The following KLHL21 variants were observed in gnomAD, a reference collection of about 807,000 sequenced individuals.
KLHL21 encodes kelch like family member 21, also known as kelch-like protein 21.
In KLHL21, 42 loss-of-function variants were observed where a neutral mutation model predicts 44.1. The observed-to-expected ratio is 0.95, with a 90% CI of 0.74 to 1.23. The LOEUF is 1.23. KLHL21 is among the 50% of genes most tolerant of loss of function. The pLI, the probability that KLHL21 is intolerant of heterozygous loss-of-function variation, is 0.00. For synonymous variants in KLHL21, 524 were observed against 411.6 expected (o/e 1.27, Z -3.31); for missense variants, 918 against 889.1 (o/e 1.03, Z -0.41).
chr1:6,592,615 G>C lies in KLHL21; in HGVS notation c.*750C>G, dbSNP rs1255990680. The C allele has an allele frequency of 6.6e-6, 1 of 152,288 alleles. No homozygotes were observed. The highest frequency in any genetic ancestry group is 1.5e-5 in the Non-Finnish European group (1 of 68,066). 9.4% of individuals were successfully genotyped at this position (152,288 alleles called of 1,614,324 possible). ...AGCAAGGGCTTGGGCACCCGCAGCT[G>C]TCTGCTTGGCTGGGTGTCAATGATC... is the stretch of plus-strand genomic sequence containing the variant. On this transcript the variant is annotated 3_prime_UTR_variant, in exon 4 of 4. Transcript: ENST00000377658.
At chr1:6,595,411 T>C in intron 3 of KLHL21, 74 bp downstream of exon 3, 3 of 1,345,814 alleles carry the variant, frequency 2.2e-6, no homozygotes, top group African/African-American at 1.4e-5. Flanking sequence ...TCCCAAACAC[T>C]CATCACGATG....
chr1:6,590,914 A>G lies in KLHL21; in HGVS notation c.*2451T>C, dbSNP rs1180222309. On this transcript the variant is annotated 3_prime_UTR_variant, in exon 4 of 4. Transcript: ENST00000377658. ...ACATACGCGTCTCTGAAGTCATATA[A>G]ATATAGAATACCTTATAGTAGATCA... The G allele has an allele frequency of 2.5e-6, 1 of 398,542 alleles. No individual in the cohort carries two copies. The highest frequency in any genetic ancestry group is 2.1e-5 in the African/African-American group (1 of 48,644). 24.7% of individuals were successfully genotyped at this position (398,542 alleles called of 1,614,324 possible).
intron 2 of KLHL21, among the ~76,000 whole-genome samples, chr1:6,597,123 G>C (rs1045369832): frequency 1.3e-5 from 2 of 152,256 alleles, no homozygotes; most frequent in Non-Finnish European, 2.9e-5. Context: ...CTCCGGCACA[G>C]GTCACACTGG....
intron 3 of KLHL21, chr1:6,594,670 C>A (rs1255648795): frequency 1.3e-5 from 2 of 151,860 alleles, no homozygotes; most frequent in African/African-American, 4.8e-5. Context: ...CGTGCCACTG[C>A]ACTCCAGCCT....
rs143513148 is a variant in KLHL21 at position 6,593,396 on chromosome 1, C to G, written c.1763G>C (p.Arg588Pro). 6 of 1,604,710 alleles carry G rather than the reference C, an allele frequency of 3.7e-6. 1 individual carries two copies. In the South Asian group the frequency reaches 5.5e-5, roughly 15 times the overall value. Residue 588 changes from arginine (R) to proline (P), a missense_variant, in exon 4 of 4, where the codon CGG (arginine) becomes CCG (proline). Transcript: ENST00000377658. ...CAGCTCATCGGGGTCCCGCGGCGGC[C>G]GGGGTCGGCCTGGGTCCATGTCATC... ...GSDDMDPGRP[R>P]PPRDPDELH
chr1:6,597,310 C>T (rs1460520307), intron 2 of KLHL21, among the ~76,000 whole-genome samples: 4 of 152,180 alleles, frequency 2.6e-5, no homozygotes, highest in African/African-American at 7.2e-5. Context: ...TCACATCTTG[C>T]TCTAGGACAG....
At chr1:6,595,353 A>C in intron 3 of KLHL21, 132 bp downstream of exon 3, 1 of 805,834 alleles carries the variant, frequency 1.2e-6, no homozygotes, top group East Asian at 2.7e-5. Flanking sequence ...TAAGGGTAAG[A>C]GCAGCCTTCT....
At chr1:6,599,584 C>A (rs1296798069) in intron 1 of KLHL21, 132 bp from the exon 2 acceptor site, 36 of 957,304 alleles carry the variant, frequency 3.8e-5, no homozygotes, top group Non-Finnish European at 5.4e-5. Flanking sequence ...AGACGCACAC[C>A]CTCTCCCCAA....
At position 6,602,059 on chromosome 1, in the gene KLHL21, C is replaced by T. The variant is rs1193263489; in HGVS notation, c.759G>A (p.Leu253=). ...LVARCPPCLR[L]LREARDFQAA... is the part of the protein sequence containing the mutation. ...CCTGGAAGTCGCGCGCCTCGCGCAG[C>T]AGGCGCAGGCAGGGTGGGCAGCGCG... The change falls in exon 1 of 4, where the codon CTG becomes CTA. Residue 253 remains leucine, a synonymous_variant. Coordinates refer to ENST00000377658, the MANE Select transcript of KLHL21 (RefSeq NM_014851.4). 1 of 1,515,564 alleles carries T rather than the reference C, an allele frequency of 6.6e-7. No individual in the cohort carries two copies. Among genetic ancestry groups the T allele is most frequent in the East Asian group, 2.6e-5 (1 of 38,862 alleles). The allele number at this position is 1,515,564 out of a possible 1,614,324, so 93.9% of individuals were successfully genotyped here.
chr1:6,593,879 C>T, intron 3 of KLHL21: 1 of 1,315,592 alleles, frequency 7.6e-7, no homozygotes, highest in Non-Finnish European at 9.7e-7. Context: ...GATGAGGGTG[C>T]CCGCTGCAGC....
chr1:6,601,878 A>C lies in KLHL21; in HGVS notation c.940T>G (p.Trp314Gly), dbSNP rs1344827401. Residue 314 changes from tryptophan to glycine, a missense_variant, in exon 1 of 4, where the codon TGG becomes GGG. Transcript: ENST00000377658. ...VDCYNPQTGQ[W>G]RYLAEFPDHL... ...TCTGGGAACTCGGCCAGGTAGCGCC[A>C]CTGACCCGTCTGCGGGTTGTAGCAG... 1.9e-6 allele frequency: 3 copies of C among 1,573,086 alleles called. No individual in the cohort carries two copies.
intron 3 of KLHL21, chr1:6,595,099 C>A: frequency 2.1e-6 from 1 of 473,494 alleles, no homozygotes; most frequent in Non-Finnish European, 3.7e-6. Context: ...GCTGACTCTG[C>A]TCCGGCCACA....
Position 6,602,844 on chromosome 1 carries a change from G to C in KLHL21, c.-27C>G, listed in dbSNP as rs1288982337. On this transcript the variant is annotated 5_prime_UTR_variant, in exon 1 of 4. Coordinates refer to ENST00000377658, the MANE Select transcript of KLHL21 (RefSeq NM_014851.4). ...GCGCCTTCGATAGGTTGTCGAGGAC[G>C]CCGCGGCCGGGGCCTGCGGAGAGAC... is the stretch of plus-strand genomic sequence containing the variant. 2.9e-6 allele frequency: 4 copies of C among 1,400,634 alleles called. No individual in the cohort carries two copies. The highest frequency in any genetic ancestry group is 3.7e-6 in the Non-Finnish European group (4 of 1,087,216). The allele number at this position is 1,400,634 out of a possible 1,614,324, so 86.8% of individuals were successfully genotyped here.
chr1:6,598,928 C>A, intron 2 of KLHL21, 119 bp downstream of exon 2: 2 of 1,064,252 alleles, frequency 1.9e-6, no homozygotes, highest in East Asian at 2.7e-5. Context: ...CAGCCTCCAA[C>A]CCCAGCTAGG....
intron 2 of KLHL21, among the ~76,000 whole-genome samples, chr1:6,597,527 G>A (rs967192091): frequency 1.3e-5 from 2 of 152,256 alleles, no homozygotes; most frequent in Admixed American, 1.3e-4. Context: ...TGAGATTCCA[G>A]GGCTTTCTCA....
rs574424888 is a variant in KLHL21, at chr1:6,601,718, G to A, written c.1021+79C>T. On this transcript the variant is annotated intron_variant, in intron 1 of 3. Coordinates refer to ENST00000377658, the MANE Select transcript of KLHL21 (RefSeq NM_014851.4). ...GCCCCTAGGATTCCAGGCTCTGTGC[G>A]CTTCCCCCGCGAATAGCTGGGCTCC... The A allele has an allele frequency of 4.5e-5, 66 of 1,463,036 alleles. No homozygotes were observed. The African/African-American group carries it at 7.5e-4, about 17-fold the overall frequency. The allele number at this position is 1,463,036 out of a possible 1,614,324, so 90.6% of individuals were successfully genotyped here. A position where few individuals can be genotyped will look rare whatever the true frequency, so the allele number is the denominator to read the frequency against.
At position 6,602,317 on chromosome 1, in the gene KLHL21, C is replaced by T. The variant is rs1292721663; in HGVS notation, c.501G>A (p.Glu167=). 6.4e-7 allele frequency: 1 copy of T among 1,554,576 alleles called. No individual in the cohort carries two copies. Among genetic ancestry groups the T allele is most frequent in the Non-Finnish European group, 8.6e-7 (1 of 1,156,728 alleles). Residue 167 remains glutamate, a synonymous_variant, in exon 1 of 4, where the codon GAG becomes GAA. Coordinates refer to ENST00000377658, the MANE Select transcript of KLHL21 (RefSeq NM_014851.4). ...GCCGCTCCAGCTGCTCGGCGCCCAG[C>T]TCGCCCACGTGGCGCAGAATGAACC... ...AQRFILRHVG[E]LGAEQLERLP... is the part of the protein sequence containing the mutation.
At chr1:6,594,169 A>G (rs1640892972) in intron 3 of KLHL21, 1 of 746,732 alleles carries the variant, frequency 1.3e-6, no homozygotes, top group Non-Finnish European at 1.6e-6. Flanking sequence ...CTGTGATGTA[A>G]GCTGTGAGGC....
chr1:6,595,884 G>A (rs753635035), intron 2 of KLHL21, among the ~76,000 whole-genome samples: 3 of 152,080 alleles, frequency 2.0e-5, no homozygotes, highest in Non-Finnish European at 4.4e-5. Flanking sequence ...CAAGCCTACA[G>A]TAGCTCCCTT....
Sources: gnomAD v4.1 joint callset for allele counts (sites outside exome capture counted in the v4.1 genomes callset) on GRCh38, gnomAD v4.1.1 for gene constraint, MANE v1.5 for transcripts, NCBI Gene and HGNC (gene_info 2026-07-23, HGNC 2026-07-21) for gene names.